The following RAB3C variants were observed in gnomAD, a reference collection of about 807,000 sequenced individuals.
RAB3C encodes the protein RAB3C, member RAS oncogene family.
In RAB3C, 17 loss-of-function variants were observed where a neutral mutation model predicts 26.4. The observed-to-expected ratio is 0.64, with a 90% CI of 0.44 to 0.97. RAB3C has a LOEUF of 0.97. RAB3C is among the 50% of genes least tolerant of loss of function. The pLI, the probability that RAB3C is intolerant of heterozygous loss-of-function variation, is 0.00. For synonymous variants in RAB3C, 91 were observed against 95.9 expected (o/e 0.95, Z 0.30); for missense variants, 242 against 281.9 (o/e 0.86, Z 1.01).
intron 1 of RAB3C, among the ~76,000 whole-genome samples, chr5:58,617,273 G>C (rs532257962): frequency 6.6e-6 from 1 of 152,240 alleles, no homozygotes; most frequent in East Asian, 1.9e-4. Flanking sequence ...CAGCCACTTT[G>C]GTGTCTCTGT....
intron 2 of RAB3C, among the ~76,000 whole-genome samples, chr5:58,667,597 A>C (rs13166294): frequency 0.023 from 3,539 of 152,258 alleles, 86 homozygotes; most frequent in Non-Finnish European, 0.033. Flanking sequence ...GCCATACAAA[A>C]TTCCTAACAG....
chr5:58,711,696 C>A (rs1277383438), intron 2 of RAB3C, among the ~76,000 whole-genome samples: 1 of 152,106 alleles, frequency 6.6e-6, no homozygotes, highest in African/African-American at 2.4e-5. Flanking sequence ...AAAGCAAGAA[C>A]TCAAAGGGGT....
At chr5:58,823,124 G>A (rs901295026) in intron 3 of RAB3C, 36 of 428,902 alleles carry the variant, frequency 8.4e-5, no homozygotes, top group African/African-American at 6.5e-4. Flanking sequence ...GAATGATGCA[G>A]ATTACATGCA....
intron 3 of RAB3C, among the ~76,000 whole-genome samples, chr5:58,817,707 A>C (rs997151364): frequency 7.2e-5 from 11 of 152,166 alleles, no homozygotes; most frequent in Admixed American, 5.2e-4. Flanking sequence ...TTTCTTTTTA[A>C]TACCTCTGAT....
At chr5:58,766,304 G>A (rs560996031) in intron 3 of RAB3C, among the ~76,000 whole-genome samples, 1 of 152,068 alleles carries the variant, frequency 6.6e-6, no homozygotes, top group South Asian at 2.1e-4. Context: ...TTTTAGTAGA[G>A]ATGGGGTTTC....
intron 2 of RAB3C, among the ~76,000 whole-genome samples, chr5:58,640,134 C>G (rs1235442040): frequency 6.6e-6 from 1 of 152,204 alleles, no homozygotes; most frequent in Non-Finnish European, 1.5e-5. Context: ...TTCCCAGCCT[C>G]TCTCCAACCA....
At chr5:58,602,668 T>G (rs867201457) in intron 1 of RAB3C, among the ~76,000 whole-genome samples, 3 of 152,220 alleles carry the variant, frequency 2.0e-5, no homozygotes, top group African/African-American at 7.2e-5. Context: ...CTATCCCTGC[T>G]CACTTTTGGT....
upstream of RAB3C, chr5:58,582,533 G>A (rs1745920828): frequency 6.3e-6 from 2 of 315,746 alleles, no homozygotes; most frequent in Non-Finnish European, 4.6e-6. Context: ...GTGCAATTAT[G>A]CGGATAAACC....
At position 58,835,527 on chromosome 5, in the gene RAB3C, G is replaced by A. The variant is rs1743726612; in HGVS notation, c.496+10365G>A. ...ACATGTCTCCTGTCCCATCTCGACA[G>A]ACAAAATTGTCTAGCCCTCATTTTT... On this transcript the variant is annotated intron_variant, in intron 4 of 4. Coordinates refer to ENST00000282878, the MANE Select transcript of RAB3C (RefSeq NM_138453.4). 2.6e-5 allele frequency among the ~76,000 whole-genome samples: 4 copies of A among 152,296 alleles called. No individual in the cohort carries two copies. The South Asian group carries it at 8.3e-4, about 32-fold the overall frequency.
chr5:58,605,248 T>C lies in RAB3C; in HGVS notation c.25-12395T>C, dbSNP rs1200757222. Among the ~76,000 whole-genome samples the C allele has an allele frequency of 1.3e-5, 2 of 152,182 alleles. 1 individual carries two copies. On this transcript the variant is annotated intron_variant, in intron 1 of 4. Coordinates refer to ENST00000282878, the MANE Select transcript of RAB3C (RefSeq NM_138453.4). The stretch of plus-strand genomic sequence containing the variant: ...CAGAATTGCTGTTTTTTTCTTGCGG[T>C]CAATCTGGAGCTAAAATTCACAGTG...
intron 3 of RAB3C, among the ~76,000 whole-genome samples, chr5:58,742,679 A>C (rs1561307085): frequency 6.6e-6 from 1 of 152,208 alleles, no homozygotes; most frequent in African/African-American, 2.4e-5. Flanking sequence ...AAATATGTAT[A>C]TCAATATGGT....
intron 3 of RAB3C, among the ~76,000 whole-genome samples, chr5:58,768,894 A>AT (rs1361932807): frequency 1.3e-5 from 2 of 152,156 alleles, no homozygotes; most frequent in Non-Finnish European, 2.9e-5. Flanking sequence ...ATTCACTCCC[A>AT]CTGCTATGTG....
Position 58,660,361 on chromosome 5 carries a change from C to T in RAB3C, c.252+42491C>T, listed in dbSNP as rs13180904. Among the ~76,000 whole-genome samples, 135 of 150,016 alleles carry T rather than the reference C, an allele frequency of 9.0e-4. 1 individual carries two copies. The highest frequency in any genetic ancestry group is 1.3e-3 in the Non-Finnish European group (86 of 68,006). ...ACAGTTACTATGTGGTATAAACTTC[C>T]ATCATGAGAAGTATAATATTTATTC... On this transcript the variant is annotated intron_variant, in intron 2 of 4. Transcript: ENST00000282878.
At chr5:58,734,688 A>G (rs895611721) in intron 3 of RAB3C, among the ~76,000 whole-genome samples, 1 of 152,154 alleles carries the variant, frequency 6.6e-6, no homozygotes, top group Non-Finnish European at 1.5e-5. Context: ...TGACATCTCT[A>G]TCTTTCTAGC....
intron 1 of RAB3C, among the ~76,000 whole-genome samples, chr5:58,588,438 T>A (rs960653379): frequency 1.1e-4 from 16 of 152,188 alleles, no homozygotes; most frequent in African/African-American, 3.9e-4. Flanking sequence ...TGATTTAAAT[T>A]TGAATTTTCC....
chr5:58,775,607 A>G (rs2111993498), intron 3 of RAB3C, among the ~76,000 whole-genome samples: 1 of 152,252 alleles, frequency 6.6e-6, no homozygotes, highest in African/African-American at 2.4e-5. Context: ...AAAGTGGCTC[A>G]GGGTAGCCAG....
chr5:58,693,487 C>T (rs1429314376), intron 2 of RAB3C, among the ~76,000 whole-genome samples: 1 of 151,252 alleles, frequency 6.6e-6, no homozygotes, highest in Non-Finnish European at 1.5e-5. Flanking sequence ...TAATACAAAC[C>T]ATCAGGTTTC....
intron 2 of RAB3C, among the ~76,000 whole-genome samples, chr5:58,692,526 C>T (rs557414258): frequency 4.0e-5 from 6 of 151,862 alleles, no homozygotes; most frequent in East Asian, 1.9e-4. Context: ...ACAGTTAGAA[C>T]GTTACATATT....
At chr5:58,839,713 G>T (rs213877) in intron 4 of RAB3C, among the ~76,000 whole-genome samples, 34,445 of 151,926 alleles carry the variant, frequency 0.23, 4,176 homozygotes, top group Middle Eastern at 0.41. Context: ...CTCTACTAGG[G>T]AGTTTTATAG....
Sources: allele counts gnomAD v4.1 joint callset (sites outside exome capture counted in the v4.1 genomes callset), GRCh38; gene constraint gnomAD v4.1.1; transcripts MANE v1.5; gene names NCBI Gene and HGNC (gene_info 2026-07-23, HGNC 2026-07-21).